Variants in TSHZ3 observed in about 807,000 individuals in gnomAD.
TSHZ3 encodes the protein teashirt zinc finger homeobox 3.
In TSHZ3, 10 loss-of-function variants were observed where a neutral mutation model predicts 64.5. The ratio of observed to expected loss-of-function variants is 0.16; its 90% confidence interval spans 0.10 to 0.26. The LOEUF (loss-of-function observed/expected upper bound fraction) is 0.26, where lower values mean the gene tolerates loss of function less well. Among genes scored for constraint, TSHZ3 ranks in the 10% least tolerant of loss-of-function variants. The probability of loss-of-function intolerance (pLI) is 1.00; values close to 1 mark genes in which losing one functional copy is unlikely to be tolerated. For synonymous variants in TSHZ3, 608 were observed against 593.1 expected, an observed-to-expected ratio of 1.03 and a Z score of -0.36; for missense variants, 1,242 against 1,421.7, an observed-to-expected ratio of 0.87 and a Z score of 2.03.
At chr19:31,167,277 T>C (rs1241206631) in intron 5 of TSHZ3, among the ~76,000 whole-genome samples, 2 of 152,224 alleles carry the variant, frequency 1.3e-5, no homozygotes, top group East Asian at 3.9e-4. Context: ...GCTTAATGAT[T>C]TTGTATTTCT....
intron 1 of TSHZ3, among the ~76,000 whole-genome samples, chr19:31,293,472 T>G (rs1976609769): frequency 6.6e-6 from 1 of 152,218 alleles, no homozygotes; most frequent in South Asian, 2.1e-4. Context: ...GATCTTGCCT[T>G]GATTGATGCT....
At position 31,349,121 on chromosome 19, in the gene TSHZ3, CG is replaced by C. The variant is rs775396376; in HGVS notation, c.40+58del. The stretch of plus-strand genomic sequence containing the variant: ...GGAGCGGGGTCGCGCCCGCTGGAGG[CG>C]CGGGGCGAGCGGAGGAAGAGGAGGA... On this transcript the variant is annotated intron_variant, in intron 1 of 1. Coordinates refer to ENST00000240587, the MANE Select transcript of TSHZ3 (RefSeq NM_020856.4). The C allele has an allele frequency of 6.6e-3, 10,072 of 1,516,746 alleles. 46 individuals are homozygous for C. The highest frequency in any genetic ancestry group is 8.0e-3 in the Non-Finnish European group (9,086 of 1,133,144). The allele number at this position is 1,516,746 out of a possible 1,614,324, so 94.0% of individuals were successfully genotyped here.
chr19:31,193,213 A>G (rs1478911623), intron 5 of TSHZ3, among the ~76,000 whole-genome samples: 2 of 152,100 alleles, frequency 1.3e-5, no homozygotes, highest in Non-Finnish European at 2.9e-5. Flanking sequence ...CATACATATG[A>G]CGCGACATAT....
rs145988557 is a variant in TSHZ3 at position 31,204,524 on chromosome 19, G to A, written n.809+432C>T. 1.3e-3 allele frequency among the ~76,000 whole-genome samples: 201 copies of A among 152,230 alleles called. 1 individual carries two copies. The highest frequency in any genetic ancestry group is 4.5e-3 in the African/African-American group (188 of 41,534). On this transcript the variant is annotated intron_variant and non_coding_transcript_variant, in intron 5 of 6. Coordinates refer to the TSHZ3 transcript ENST00000651361. ...AATTTGTCAAATATATCACTCCACT[G>A]TAGCAAATTTCATTACTGCTTGTAC...
intron 1 of TSHZ3, among the ~76,000 whole-genome samples, chr19:31,264,865 T>C (rs1976027902): frequency 6.6e-6 from 1 of 152,196 alleles, no homozygotes; most frequent in South Asian, 2.1e-4. Flanking sequence ...TTCCTCTTTC[T>C]AGTAAATTCT....
intron 5 of TSHZ3, among the ~76,000 whole-genome samples, chr19:31,177,562 C>A (rs1974630284): frequency 6.6e-6 from 1 of 152,242 alleles, no homozygotes; most frequent in Non-Finnish European, 1.5e-5. Flanking sequence ...CTGTCTCTTA[C>A]AAGGACACAT....
downstream of TSHZ3, among the ~76,000 whole-genome samples, chr19:31,274,691 T>C (rs1286976212): frequency 6.6e-6 from 1 of 151,906 alleles, no homozygotes; most frequent in Non-Finnish European, 1.5e-5. Context: ...TCTAACCTTA[T>C]AGGCATATCT....
At chr19:31,200,433 T>C (rs1218786107) in intron 5 of TSHZ3, among the ~76,000 whole-genome samples, 1 of 152,108 alleles carries the variant, frequency 6.6e-6, no homozygotes, top group Non-Finnish European at 1.5e-5. Flanking sequence ...AAAAGATACA[T>C]AGAAAACTTA....
chr19:31,338,672 T>A (rs979241920), intron 1 of TSHZ3, among the ~76,000 whole-genome samples: 3 of 151,004 alleles, frequency 2.0e-5, no homozygotes, highest in Non-Finnish European at 4.4e-5. Flanking sequence ...TATATTTTAA[T>A]GTTTTGTACG....
At chr19:31,213,635 G>T (rs764202580) in intron 4 of TSHZ3, among the ~76,000 whole-genome samples, 9 of 152,158 alleles carry the variant, frequency 5.9e-5, no homozygotes, top group Non-Finnish European at 1.0e-4. Context: ...GGGGATGTTG[G>T]TAACGGGGTG....
intron 4 of TSHZ3, among the ~76,000 whole-genome samples, chr19:31,212,368 GAATC>G (rs1881950675): frequency 6.6e-6 from 1 of 152,088 alleles, no homozygotes; most frequent in South Asian, 2.1e-4. Flanking sequence ...TGAGGCTGGA[GAATC>G]ACTTGAACCT....
chr19:31,323,092 T>G (rs1916821848), intron 1 of TSHZ3, among the ~76,000 whole-genome samples: 4 of 152,342 alleles, frequency 2.6e-5, no homozygotes, highest in South Asian at 4.1e-4. Flanking sequence ...CACGCAACAT[T>G]GGGTCAAGAG....
intron 5 of TSHZ3, among the ~76,000 whole-genome samples, chr19:31,158,286 T>C (rs934779849): frequency 2.0e-5 from 3 of 152,224 alleles, no homozygotes; most frequent in Non-Finnish European, 4.4e-5. Context: ...AAAATATATG[T>C]ATCTCATTAA....
At chr19:31,330,089 A>G (rs1357969730) in intron 1 of TSHZ3, among the ~76,000 whole-genome samples, 3 of 151,400 alleles carry the variant, frequency 2.0e-5, no homozygotes, top group Non-Finnish European at 4.4e-5. Flanking sequence ...CTGGGTTCCT[A>G]CTTTATTTCC....
At chr19:31,187,170 C>A (rs1385214225) in intron 5 of TSHZ3, among the ~76,000 whole-genome samples, 1 of 152,052 alleles carries the variant, frequency 6.6e-6, no homozygotes, top group African/African-American at 2.4e-5. Context: ...TGCTCCCCAC[C>A]CATAACCCCT....
intron 4 of TSHZ3, among the ~76,000 whole-genome samples, chr19:31,214,487 T>C (rs943636304): frequency 6.6e-6 from 1 of 152,210 alleles, no homozygotes; most frequent in Non-Finnish European, 1.5e-5. Context: ...TCTTTGATTC[T>C]TGAGTTTTAT....
intron 1 of TSHZ3, among the ~76,000 whole-genome samples, chr19:31,301,210 G>T (rs574454368): frequency 6.6e-6 from 1 of 152,058 alleles, no homozygotes; most frequent in African/African-American, 2.4e-5. Context: ...CTGCAAAGAA[G>T]CGGGTGGTGC....
upstream of TSHZ3, among the ~76,000 whole-genome samples, chr19:31,349,769 AGCC>A (rs2021652463): frequency 1.4e-5 from 2 of 145,634 alleles, no homozygotes; most frequent in South Asian, 4.3e-4. Context: ...GGGGACGCGC[AGCC>A]GCCGCCGCGG....
exon 7 of TSHZ3, among the ~76,000 whole-genome samples, chr19:31,151,118 C>G (rs1209274207): frequency 6.6e-6 from 1 of 152,042 alleles, no homozygotes; most frequent in Non-Finnish European, 1.5e-5. Flanking sequence ...CAGTAATAAC[C>G]ACAGGGAAGT....
Sources: allele counts gnomAD v4.1 joint callset (sites outside exome capture counted in the v4.1 genomes callset), GRCh38; gene constraint gnomAD v4.1.1; transcripts MANE v1.5; gene names NCBI Gene and HGNC (gene_info 2026-07-23, HGNC 2026-07-21).